The following PKHD1 variants were observed in gnomAD, a reference collection of about 807,000 sequenced individuals.
PKHD1 encodes PKHD1 ciliary IPT domain containing fibrocystin/polyductin.
Under a neutral mutation model 412.0 loss-of-function variants are expected in PKHD1, and 291 were observed. The observed-to-expected ratio is 0.71, with a 90% CI of 0.64 to 0.78. The LOEUF (loss-of-function observed/expected upper bound fraction) is 0.78. PKHD1 is among the 30% of genes least tolerant of loss of function. The pLI is 0.00. For synonymous variants in PKHD1, 1,777 were observed against 1,821.5 expected (o/e 0.98, Z 0.62); for missense variants, 4,825 against 4,950.7 (o/e 0.97, Z 0.76).
chr6:51,796,324 TTGTG>T (rs1331860981), intron 52 of PKHD1, among the ~76,000 whole-genome samples: 1 of 152,178 alleles, frequency 6.6e-6, no homozygotes, highest in Non-Finnish European at 1.5e-5. Context: ...TGAGGGTTGT[TTGTG>T]TTTCTCTGGG....
chr6:51,934,381 G>T, intron 36 of PKHD1, 59 bp from the exon 37 acceptor site: 2 of 1,018,654 alleles, frequency 2.0e-6, no homozygotes, highest in Non-Finnish European at 3.1e-6. Flanking sequence ...CGTTTTGTCA[G>T]TTTCAATGCC....
At chr6:51,982,158 C>G (rs1219413280) in intron 35 of PKHD1, among the ~76,000 whole-genome samples, 10 of 35,388 alleles carry the variant, frequency 2.8e-4, no homozygotes, top group Non-Finnish European at 3.1e-4. Flanking sequence ...CGTCTCCGCC[C>G]GGCAGCCACC....
rs369269219 is a variant in PKHD1, at chr6:52,082,134, CA to C, written c.281+257del. ...ATCTTAATAGCCATAGAACTCTTTGCAAAAAAAAACAAATGGAAACACAATC... is the reference window on the plus strand; with the variant it reads ...ATCTTAATAGCCATAGAACTCTTTGCAAAAAAAACAAATGGAAACACAATC... On this transcript the variant is annotated intron_variant, in intron 4 of 66. Transcript: ENST00000371117. Among the ~76,000 whole-genome samples, 1,919 of 148,762 alleles carry C rather than the reference CA, an allele frequency of 0.013. 29 individuals carry two copies. The highest frequency in any genetic ancestry group is 0.046 in the South Asian group (217 of 4,692).
chr6:52,043,120 G>A lies in PKHD1; in HGVS notation c.2836C>T (p.Leu946=), dbSNP rs777360384. ...CCAGTTCCGGTAATGTAAATCATTA[G>A]GTTGATGTCACCATCTTAAAGGAGA... is the stretch of plus-strand genomic sequence containing the variant. The part of the protein sequence containing the change: ...VWYSIDGDIN[L]MIYITGTGFS... Residue 946 remains leucine, a synonymous_variant, in exon 27 of 67, where the codon CTA becomes TTA. Transcript: ENST00000371117. 8.7e-6 allele frequency: 14 copies of A among 1,612,206 alleles called. No individual in the cohort carries two copies. The highest frequency in any genetic ancestry group is 1.2e-5 in the Non-Finnish European group (14 of 1,178,364).
In PKHD1 at chr6:51,659,167, C is replaced by T; in HGVS notation, c.10959G>A (p.Met3653Ile). ...TCACTTTTGAGATAGTTTCCACAGT[C>T]ATTGGGGGTGAAGCCCTATGTGAGT... ...EMNSHRASPP[M>I]TVETISKVIV... The change falls in exon 61 of 67, where the codon ATG (methionine) becomes ATA (isoleucine). Residue 3653 changes from methionine (M) to isoleucine (I), a missense_variant. By Grantham distance (10) the Met-to-Ile change is conservative (BLOSUM62 1). Coordinates refer to ENST00000371117, the MANE Select transcript of PKHD1 (RefSeq NM_138694.4). The T allele has an allele frequency of 6.2e-7, 1 of 1,613,792 alleles. No individual in the cohort carries two copies.
At chr6:51,974,091 GC>G (rs1794042438) in intron 35 of PKHD1, among the ~76,000 whole-genome samples, 2 of 152,132 alleles carry the variant, frequency 1.3e-5, no homozygotes, top group South Asian at 2.1e-4. Flanking sequence ...GAAAAAGGGG[GC>G]AAGCAAGAAG....
intron 46 of PKHD1, among the ~76,000 whole-genome samples, 191 bp downstream of exon 46, chr6:51,882,902 C>T (rs757083197): frequency 7.2e-5 from 11 of 152,176 alleles, no homozygotes; most frequent in Non-Finnish European, 1.5e-4. Flanking sequence ...CACTAAAGCA[C>T]TGTGTATATA....
At chr6:51,943,454 GT>G (rs969432180) in intron 36 of PKHD1, among the ~76,000 whole-genome samples, 7 of 149,734 alleles carry the variant, frequency 4.7e-5, no homozygotes, top group Admixed American at 2.7e-4. Context: ...CCTATTCACC[GT>G]TCTCAACTAC....
At position 51,928,241 on chromosome 6, in the gene PKHD1, A is replaced by T. The variant is rs1266884; in HGVS notation, c.6121+5869T>A. ...GGAGACTGAGTTTTTAAACTAGATT[A>T]ATCAGGACTGGCATTTTCAATATCT... is the stretch of plus-strand genomic sequence containing the variant. On this transcript the variant is annotated intron_variant, in intron 37 of 66. Coordinates refer to ENST00000371117, the MANE Select transcript of PKHD1 (RefSeq NM_138694.4). 4.1e-3 allele frequency among the ~76,000 whole-genome samples: 628 copies of T among 152,344 alleles called. 1 individual carries two copies. The highest frequency in any genetic ancestry group is 0.014 in the African/African-American group (602 of 41,576).
chr6:52,084,916 G>C lies in PKHD1; in HGVS notation c.18C>G (p.Ile6Met). ...GTAGTACTTCAATACTCATCAGAGAGATCAGCCAGGCAGTCATTCTGTCCA... is the reference window on the plus strand; with the variant it reads ...GTAGTACTTCAATACTCATCAGAGACATCAGCCAGGCAGTCATTCTGTCCA... MTAWL[I>M]SLMSIEVLLL... is the part of the protein sequence containing the mutation. Residue 6 changes from isoleucine (I) to methionine (M), a missense_variant, in exon 2 of 67, where the codon ATC (isoleucine) becomes ATG (methionine). Ile to Met is a conservative substitution (Grantham distance 10, BLOSUM62 1). Transcript: ENST00000371117. 2 of 1,606,812 alleles carry C rather than the reference G, an allele frequency of 1.2e-6. No individual in the cohort carries two copies. The highest frequency in any genetic ancestry group is 2.2e-5 in the South Asian group (2 of 90,928).
intron 36 of PKHD1, among the ~76,000 whole-genome samples, chr6:51,948,635 G>A (rs966125017): frequency 1.3e-5 from 2 of 152,246 alleles, no homozygotes; most frequent in Non-Finnish European, 2.9e-5. Context: ...TGGGGAACGT[G>A]TTAAGTGATC....
At chr6:52,015,680 C>T (rs1452540701) in intron 34 of PKHD1, among the ~76,000 whole-genome samples, 3 of 151,832 alleles carry the variant, frequency 2.0e-5, no homozygotes, top group Admixed American at 1.3e-4. Flanking sequence ...AAAAATTAGC[C>T]GGGCGTGGTG....
At chr6:51,791,182 C>T in intron 53 of PKHD1, 54 bp downstream of exon 53, 1 of 1,575,102 alleles carries the variant, frequency 6.3e-7, no homozygotes, top group Non-Finnish European at 8.7e-7. Context: ...CCCAGAGCCC[C>T]TTCTCACAGA....
At chr6:51,755,589 A>C (rs1786852577) in intron 55 of PKHD1, among the ~76,000 whole-genome samples, 1 of 152,202 alleles carries the variant, frequency 6.6e-6, no homozygotes, top group African/African-American at 2.4e-5. Context: ...ACACACATTT[A>C]ATACAGTTTC....
chr6:52,085,867 A>T (rs1334368092), intron 1 of PKHD1, among the ~76,000 whole-genome samples: 1 of 151,932 alleles, frequency 6.6e-6, no homozygotes, highest in African/African-American at 2.4e-5. Context: ...GCTCTAAGGA[A>T]AGTGCTGAGC....
chr6:52,010,193 C>A, intron 35 of PKHD1, 116 bp downstream of exon 35: 1 of 849,428 alleles, frequency 1.2e-6, no homozygotes, highest in Non-Finnish European at 1.9e-6. Context: ...AAAGTTTGAG[C>A]ACATTTAATA....
At chr6:51,664,375 G>A (rs1430292765) in intron 60 of PKHD1, among the ~76,000 whole-genome samples, 3 of 152,204 alleles carry the variant, frequency 2.0e-5, no homozygotes, top group Non-Finnish European at 4.4e-5. Flanking sequence ...GTTGGAGCCC[G>A]AGAGGGCACA....
intron 50 of PKHD1, among the ~76,000 whole-genome samples, chr6:51,838,711 G>C (rs1315912663): frequency 6.6e-6 from 1 of 152,196 alleles, no homozygotes; most frequent in African/African-American, 2.4e-5. Flanking sequence ...TCATGGTCAT[G>C]ACAATAGTGA....
intron 15 of PKHD1, 123 bp downstream of exon 15, chr6:52,059,805 C>T (rs1582022806): frequency 1.2e-5 from 8 of 690,404 alleles, no homozygotes; most frequent in Middle Eastern, 4.8e-4. Context: ...AATTAAAGTT[C>T]CTGATCATCC....
Sources: allele counts gnomAD v4.1 joint callset (sites outside exome capture counted in the v4.1 genomes callset), GRCh38; gene constraint gnomAD v4.1.1; transcripts MANE v1.5; gene names NCBI Gene and HGNC (gene_info 2026-07-23, HGNC 2026-07-21).